Variants in CDS2 observed in about 807,000 individuals in gnomAD.
The protein encoded by CDS2 is CDP-diacylglycerol synthase 2.
In CDS2, 47 loss-of-function variants were observed where a neutral mutation model predicts 59.0. The observed-to-expected ratio is 0.80, with a 90% CI of 0.63 to 1.02. The LOEUF (loss-of-function observed/expected upper bound fraction) is 1.02. Among genes scored for constraint, CDS2 ranks in the 50% least tolerant of loss-of-function variants. The pLI is 0.00. For synonymous variants in CDS2, 207 were observed against 206.4 expected (o/e 1.00, Z -0.02); for missense variants, 356 against 558.9 (o/e 0.64, Z 3.66).
chr20:5,163,408 T>A (rs2090889639), intron 1 of CDS2, among the ~76,000 whole-genome samples: 1 of 151,868 alleles, frequency 6.6e-6, no homozygotes, highest in South Asian at 2.1e-4. Flanking sequence ...AGTACAGGCA[T>A]GGGCCACCAC....
At chr20:5,178,481 T>G (rs2091009836) in intron 4 of CDS2, among the ~76,000 whole-genome samples, 2 of 152,116 alleles carry the variant, frequency 1.3e-5, no homozygotes, top group African/African-American at 4.8e-5. Context: ...GAAACGAGAC[T>G]GGGGAAGCAG....
chr20:5,184,916 T>G lies in CDS2; in HGVS notation c.730T>G (p.Phe244Val). ...TGACATCATGGCCTATATGTTTGGC[T>G]TTTTCTTTGGTCGGACCCCACTCAT... ...CNDIMAYMFG[F>V]FFGRTPLIKL... is the part of the protein sequence containing the mutation. Residue 244 changes from phenylalanine to valine, a missense_variant, in exon 8 of 13, where the codon TTT (phenylalanine) becomes GTT (valine). This residue lies in a region of CDS2 where 87 missense variants were observed against 193.3 expected (regional missense o/e 0.45). Coordinates refer to ENST00000460006, the MANE Select transcript of CDS2 (RefSeq NM_003818.4). This position sits in a 1 kb window ranked among gnomAD's most constrained non-coding sequence, Gnocchi z 4.3. 2 of 1,613,862 alleles carry G rather than the reference T, an allele frequency of 1.2e-6. No homozygotes were observed. Among genetic ancestry groups the G allele is most frequent in the Non-Finnish European group, 1.7e-6 (2 of 1,179,776 alleles).
At chr20:5,186,898 C>A in intron 10 of CDS2, 59 bp downstream of exon 10, 1 of 1,574,162 alleles carries the variant, frequency 6.4e-7, no homozygotes, top group South Asian at 1.1e-5. Flanking sequence ...AAAGAGAGAT[C>A]CCCCTCCATC....
At chr20:5,141,602 T>A (rs2090694364) in intron 1 of CDS2, among the ~76,000 whole-genome samples, 1 of 152,188 alleles carries the variant, frequency 6.6e-6, no homozygotes, top group African/African-American at 2.4e-5. Flanking sequence ...TGTATATTTG[T>A]ATCCAATATA....
Position 5,138,825 on chromosome 20 carries a change from C to G in CDS2, c.57+11676C>G, listed in dbSNP as rs2090669354. ...GGTGGAGGTTGCAGTGAGCCAAGAT[C>G]GCACCACTGCACTGCAGTATGGTTA... On this transcript the variant is annotated intron_variant, in intron 1 of 12. Transcript: ENST00000460006. 2.0e-5 allele frequency among the ~76,000 whole-genome samples: 3 copies of G among 151,720 alleles called. No individual in the cohort carries two copies. In the South Asian group the frequency reaches 6.2e-4, roughly 32 times the overall value.
chr20:5,150,977 A>T (rs2090784591), intron 1 of CDS2, among the ~76,000 whole-genome samples: 1 of 151,976 alleles, frequency 6.6e-6, no homozygotes, highest in African/African-American at 2.4e-5. Context: ...TTGGTCAAGA[A>T]CTCCTTGCTG....
chr20:5,159,141 A>G (rs2090856462), intron 1 of CDS2, among the ~76,000 whole-genome samples: 1 of 152,188 alleles, frequency 6.6e-6, no homozygotes, highest in Non-Finnish European at 1.5e-5. Context: ...TCAAATTAAT[A>G]TCAGAAATCT....
intron 1 of CDS2, among the ~76,000 whole-genome samples, chr20:5,137,718 G>C (rs951724913): frequency 1.3e-5 from 2 of 151,744 alleles, no homozygotes; most frequent in Non-Finnish European, 2.9e-5. Flanking sequence ...GGAGGCTGGG[G>C]CAGGAGGATC....
intron 1 of CDS2, among the ~76,000 whole-genome samples, chr20:5,170,874 G>A (rs2090951323): frequency 6.6e-6 from 1 of 152,196 alleles, no homozygotes; most frequent in African/African-American, 2.4e-5. Context: ...AAATGACAAA[G>A]GGGATATCAC....
At chr20:5,131,085 T>C (rs1177398823) in intron 1 of CDS2, among the ~76,000 whole-genome samples, 1 of 141,664 alleles carries the variant, frequency 7.1e-6, no homozygotes, top group African/African-American at 2.6e-5. Flanking sequence ...AGAGCAAGAC[T>C]CTGTCTTAAA....
intron 1 of CDS2, among the ~76,000 whole-genome samples, chr20:5,151,411 C>CTAAG (rs2090788280): frequency 6.6e-6 from 1 of 152,112 alleles, no homozygotes. Flanking sequence ...CTAAGATGTA[C>CTAAG]TAAATTACAT....
rs1568541455 is a variant in CDS2, at chr20:5,176,716, T to C, written c.360T>C (p.Tyr120=). The change falls in exon 4 of 13, where the codon TAT becomes TAC. Residue 120 remains tyrosine (Y), a synonymous_variant. Transcript: ENST00000460006. ...ITIGYNVYHS[Y]DLPWFRTLSW... ...TTGGCTACAACGTCTACCACTCATATGATCTGCCCTGGTTCAGGACGCTCA... is the reference window on the plus strand; with the variant it reads ...TTGGCTACAACGTCTACCACTCATACGATCTGCCCTGGTTCAGGACGCTCA... The C allele has an allele frequency of 6.2e-7, 1 of 1,614,036 alleles. No individual in the cohort carries two copies.
intron 4 of CDS2, among the ~76,000 whole-genome samples, chr20:5,177,854 G>A (rs925907282): frequency 5.3e-5 from 8 of 152,208 alleles, no homozygotes; most frequent in Admixed American, 2.0e-4. Context: ...TTTTGTGGCT[G>A]TTCTTTAGCT....
chr20:5,171,114 C>T (rs73586465), intron 1 of CDS2, among the ~76,000 whole-genome samples: 1 of 152,328 alleles, frequency 6.6e-6, no homozygotes, highest in African/African-American at 2.4e-5. Flanking sequence ...CTTCACTTCA[C>T]CCCTTCCTAC....
rs773831093 is a variant in CDS2, at chr20:5,190,177, G to A, written c.1281G>A (p.Thr427=). ...ATCAGCAGCTCCACATCTTCAACAC[G>A]CTGCGGTCTCATCTGATCGACAAAG... is the stretch of plus-strand genomic sequence containing the variant. The part of the protein sequence containing the change: ...RPDQQLHIFN[T]LRSHLIDKGM... Residue 427 remains threonine (T), a synonymous_variant, in exon 13 of 13, where the codon ACG becomes ACA. Coordinates refer to ENST00000460006, the MANE Select transcript of CDS2 (RefSeq NM_003818.4). 4.3e-6 allele frequency: 7 copies of A among 1,613,934 alleles called. No individual in the cohort carries two copies. The highest frequency in any genetic ancestry group is 1.7e-5 in the Admixed American group (1 of 59,992).
chr20:5,140,434 T>A (rs1216732219), intron 1 of CDS2, among the ~76,000 whole-genome samples: 1 of 152,216 alleles, frequency 6.6e-6, no homozygotes, highest in Non-Finnish European at 1.5e-5. Flanking sequence ...GAGTATTCAC[T>A]TGTTTCTTGA....
chr20:5,145,496 C>T (rs200288332), intron 1 of CDS2, among the ~76,000 whole-genome samples: 15 of 152,072 alleles, frequency 9.9e-5, no homozygotes, highest in East Asian at 1.9e-4. Context: ...TCCACTATCC[C>T]GTTTGCCAGA....
In CDS2 at chr20:5,134,764, G is replaced by A. The variant is rs1386956930; in HGVS notation, c.57+7615G>A. Among the ~76,000 whole-genome samples, 25 of 152,214 alleles carry A rather than the reference G, an allele frequency of 1.6e-4. No individual in the cohort carries two copies. In the East Asian group the frequency reaches 4.6e-3, roughly 28 times the overall value. ...TCAAATTCCTGACTTCAGGTGATCT[G>A]CCTGCCTTGGCCTTCTACAATGCTG... On this transcript the variant is annotated intron_variant, in intron 1 of 12. Coordinates refer to ENST00000460006, the MANE Select transcript of CDS2 (RefSeq NM_003818.4).
At position 5,190,908 on chromosome 20, in the gene CDS2, AAC is replaced by A. The variant is rs2091109462; in HGVS notation, c.*679_*680del. ...ATTATTTATAATAGTCTGGAGAAAA[AAC>A]ACACTGTAATATTTCAAGTGTATGC... On this transcript the variant is annotated 3_prime_UTR_variant, in exon 13 of 13. Transcript: ENST00000460006. The A allele has an allele frequency of 1.3e-5, 2 of 152,564 alleles. No individual in the cohort carries two copies. The highest frequency in any genetic ancestry group is 2.1e-4 in the South Asian group (1 of 4,824). 9.5% of individuals were successfully genotyped at this position (152,564 alleles called of 1,614,324 possible).
Sources: gnomAD v4.1 joint callset for allele counts (sites outside exome capture counted in the v4.1 genomes callset) on GRCh38, gnomAD v4.1.1 for gene constraint, gnomAD v4.1.1 regional missense constraint, Gnocchi (gnomAD v3.1) non-coding constraint, MANE v1.5 for transcripts, NCBI Gene and HGNC (gene_info 2026-07-23, HGNC 2026-07-21) for gene names.